Variants in CLNK observed in about 807,000 individuals in gnomAD.
CLNK encodes the protein cytokine-dependent hematopoietic cell linker.
A neutral mutation model predicts 68.6 loss-of-function variants in CLNK; 74 were observed. The observed-to-expected ratio is 1.08, with a 90% CI of 0.89 to 1.31. The LOEUF is 1.31. Ranked by LOEUF, CLNK falls within the 50% of genes most tolerant of loss-of-function variation. The pLI is 0.00. For synonymous variants in CLNK, 198 were observed against 172.2 expected (o/e 1.15, Z -1.17); for missense variants, 553 against 515.3 (o/e 1.07, Z -0.71).
At chr4:10,655,971 G>A (rs751064178) in intron 2 of CLNK, among the ~76,000 whole-genome samples, 2 of 151,796 alleles carry the variant, frequency 1.3e-5, no homozygotes, top group Non-Finnish European at 2.9e-5. Context: ...AATATATAGA[G>A]CCGGGTAAAT....
intron 2 of CLNK, among the ~76,000 whole-genome samples, chr4:10,659,430 G>T (rs776080670): frequency 5.3e-5 from 8 of 152,192 alleles, no homozygotes; most frequent in Non-Finnish European, 2.9e-5. Context: ...GGGAGGCTAA[G>T]TTCCTAAAAT....
chr4:10,602,952 T>G (rs948690761), intron 2 of CLNK, among the ~76,000 whole-genome samples: 4 of 152,016 alleles, frequency 2.6e-5, no homozygotes, highest in Non-Finnish European at 5.9e-5. Flanking sequence ...CGGTGGAGAG[T>G]AAGTACAAGA....
At chr4:10,561,344 T>C (rs1164739273) in intron 7 of CLNK, among the ~76,000 whole-genome samples, 1 of 152,164 alleles carries the variant, frequency 6.6e-6, no homozygotes, top group Non-Finnish European at 1.5e-5. Context: ...TAGTTCCACC[T>C]GCAAAGTGAT....
rs141016231 is a variant in CLNK, at chr4:10,649,225, ATTGT to A, written c.11+18630_11+18633del. ...AAAAATTGAATTCCACAGGGAGAAT[ATTGT>A]TTATTTCTTGTAGCATAATAAACAG... On this transcript the variant is annotated intron_variant, in intron 2 of 18. Coordinates refer to ENST00000226951, the MANE Select transcript of CLNK (RefSeq NM_052964.4). Among the ~76,000 whole-genome samples, 81 of 152,312 alleles carry A rather than the reference ATTGT, an allele frequency of 5.3e-4. 1 individual carries two copies. In the East Asian group the frequency reaches 0.011, roughly 21 times the overall value.
chr4:10,722,815 C>A, the CLNK span, among the ~76,000 whole-genome samples: 1 of 152,056 alleles, frequency 6.6e-6, no homozygotes, highest in Non-Finnish European at 1.5e-5. Flanking sequence ...TTTGGGAGGC[C>A]GAGGCGGGTG....
At chr4:10,682,610 C>A (rs966321044) in intron 1 of CLNK, among the ~76,000 whole-genome samples, 4 of 152,176 alleles carry the variant, frequency 2.6e-5, no homozygotes, top group African/African-American at 9.7e-5. Context: ...AACTAAAGAT[C>A]AGAGAGGTTA....
chr4:10,598,247 T>C (rs1300234972), intron 2 of CLNK, among the ~76,000 whole-genome samples, 198 bp from the exon 3 acceptor site: 1 of 152,216 alleles, frequency 6.6e-6, no homozygotes, highest in Non-Finnish European at 1.5e-5. Context: ...TTCTTAATTT[T>C]TTAAATGTAA....
chr4:10,487,268 A>C lies in CLNK; in HGVS notation c.*3199T>G, dbSNP rs923076174. 6.6e-6 allele frequency: 1 copy of C among 152,248 alleles called. No homozygotes were observed. The highest frequency in any genetic ancestry group is 1.5e-5 in the Non-Finnish European group (1 of 68,046). 9.4% of individuals were successfully genotyped at this position (152,248 alleles called of 1,614,324 possible). ...TAGACCATGAATAGGATAATTGCAT[A>C]TGGAGACCTTGGTTCCAGTCGCGAC... On this transcript the variant is annotated 3_prime_UTR_variant, in exon 19 of 19. Transcript: ENST00000226951.
At chr4:10,535,123 C>T (rs568657550) in intron 11 of CLNK, among the ~76,000 whole-genome samples, 54 of 151,400 alleles carry the variant, frequency 3.6e-4, no homozygotes, top group Non-Finnish European at 6.0e-4. Flanking sequence ...ATAAGGCGGG[C>T]GGACTGCCTG....
At chr4:10,697,291 G>A in the CLNK span, 1 of 152,194 alleles carries the variant, frequency 6.6e-6, no homozygotes, top group Non-Finnish European at 1.5e-5. Flanking sequence ...GAATTCCTGA[G>A]TTTTACTGTG....
At chr4:10,732,955 G>T in the CLNK span, among the ~76,000 whole-genome samples, 1 of 152,134 alleles carries the variant, frequency 6.6e-6, no homozygotes, top group Non-Finnish European at 1.5e-5. Flanking sequence ...GACAGTAAAG[G>T]CTCTGACATT....
intron 2 of CLNK, among the ~76,000 whole-genome samples, chr4:10,658,844 C>A (rs1262712783): frequency 6.6e-6 from 1 of 152,190 alleles, no homozygotes; most frequent in Non-Finnish European, 1.5e-5. Flanking sequence ...TGGGAAGTGT[C>A]AGCATACACT....
At chr4:10,587,304 C>T (rs1721005070) in intron 3 of CLNK, among the ~76,000 whole-genome samples, 1 of 152,180 alleles carries the variant, frequency 6.6e-6, no homozygotes. Flanking sequence ...CACAATCCAA[C>T]CATTGGATGG....
intron 1 of CLNK, among the ~76,000 whole-genome samples, chr4:10,678,322 C>A (rs996183928): frequency 1.3e-5 from 2 of 152,226 alleles, no homozygotes; most frequent in Admixed American, 1.3e-4. Context: ...AAAGTGAAAG[C>A]ACTCTGTAAA....
the CLNK span, among the ~76,000 whole-genome samples, chr4:10,718,252 C>CA: frequency 6.6e-6 from 1 of 152,030 alleles, no homozygotes; most frequent in East Asian, 1.9e-4. Context: ...AAGAAATACT[C>CA]AGAGAAATAA....
intron 14 of CLNK, among the ~76,000 whole-genome samples, chr4:10,522,019 G>A (rs1430038384): frequency 6.6e-6 from 1 of 152,174 alleles, no homozygotes; most frequent in Non-Finnish European, 1.5e-5. Context: ...AGAACTTTGG[G>A]AGGCTGAGGC....
chr4:10,544,517 T>C (rs1347790233), intron 8 of CLNK, among the ~76,000 whole-genome samples: 1 of 152,058 alleles, frequency 6.6e-6, no homozygotes, highest in Non-Finnish European at 1.5e-5. Flanking sequence ...ATAAAGCAGA[T>C]TGGAGGACAG....
At chr4:10,608,760 G>C (rs1369903512) in intron 2 of CLNK, among the ~76,000 whole-genome samples, 2 of 152,174 alleles carry the variant, frequency 1.3e-5, no homozygotes, top group African/African-American at 4.8e-5. Flanking sequence ...GTCAGTTCGG[G>C]CTGCTATAAC....
At chr4:10,640,836 T>C (rs7664095) in intron 2 of CLNK, among the ~76,000 whole-genome samples, 49,793 of 152,110 alleles carry the variant, frequency 0.33, 9,393 homozygotes, top group African/African-American at 0.52. Context: ...AACCTACTTA[T>C]AGGCAGATGA....
Sources: allele counts gnomAD v4.1 joint callset (sites outside exome capture counted in the v4.1 genomes callset), GRCh38; gene constraint gnomAD v4.1.1; transcripts MANE v1.5; gene names NCBI Gene and HGNC (gene_info 2026-07-23, HGNC 2026-07-21).